Variants in RTN1 observed in about 807,000 individuals in gnomAD.
The protein encoded by RTN1 is reticulon-1.
Under a neutral mutation model 65.5 loss-of-function variants are expected in RTN1, and 25 were observed. The ratio of observed to expected loss-of-function variants is 0.38; its 90% CI spans 0.28 to 0.53. The LOEUF (loss-of-function observed/expected upper bound fraction) is 0.53. RTN1 is among the 20% of genes least tolerant of loss of function. RTN1 has a pLI of 0.79. For synonymous variants in RTN1, 471 were observed against 447.6 expected, an observed-to-expected ratio of 1.05 and a Z score of -0.66; for missense variants, 983 against 1,025.4, an observed-to-expected ratio of 0.96 and a Z score of 0.57.
At chr14:59,674,645 G>A (rs993141555) in intron 3 of RTN1, among the ~76,000 whole-genome samples, 11 of 152,168 alleles carry the variant, frequency 7.2e-5, no homozygotes, top group South Asian at 4.1e-4. Flanking sequence ...AAGGCTGTAC[G>A]TGTGTGCCCG....
intron 4 of RTN1, 198 bp from the exon 5 acceptor site, chr14:59,605,704 A>G (rs1317718360): frequency 3.8e-6 from 2 of 525,340 alleles, no homozygotes; most frequent in Non-Finnish European, 3.3e-6. Context: ...CACAGAAAGC[A>G]TGGTTCTCAG....
In RTN1 at chr14:59,864,742, G is replaced by T. The variant is rs180689061; in HGVS notation, c.241+5648C>A. ...GAGAGGGGCAATGGATTGTTGAAAGGTAAGGTGTGAAGACTTCCTTTTCTC... is the reference window on the plus strand; with the variant it reads ...GAGAGGGGCAATGGATTGTTGAAAGTTAAGGTGTGAAGACTTCCTTTTCTC... On this transcript the variant is annotated intron_variant, in intron 1 of 8. Transcript: ENST00000267484. Among the ~76,000 whole-genome samples, 10 of 152,302 alleles carry T rather than the reference G, an allele frequency of 6.6e-5. No individual in the cohort carries two copies. The East Asian group carries it at 1.9e-3, about 29-fold the overall frequency.
At chr14:59,820,951 C>G (rs1263129585) in intron 1 of RTN1, among the ~76,000 whole-genome samples, 1 of 152,158 alleles carries the variant, frequency 6.6e-6, no homozygotes, top group East Asian at 1.9e-4. Context: ...TGGGATGCCT[C>G]TGGCTTTGTT....
chr14:59,665,685 T>C (rs1241122146), intron 3 of RTN1, among the ~76,000 whole-genome samples: 2 of 152,106 alleles, frequency 1.3e-5, no homozygotes, highest in Non-Finnish European at 2.9e-5. Flanking sequence ...GTGTGCTGTA[T>C]TCAAGAGACC....
At chr14:59,832,103 C>T (rs139362135) in intron 1 of RTN1, among the ~76,000 whole-genome samples, 28 of 152,148 alleles carry the variant, frequency 1.8e-4, no homozygotes, top group African/African-American at 5.8e-4. Flanking sequence ...TTATGTAGTC[C>T]CTGAGGGGTT....
Position 59,870,442 on chromosome 14 carries a change from G to A in RTN1, c.189C>T (p.Ala63=), listed in dbSNP as rs985224976. The change falls in exon 1 of 9, where the codon GCC becomes GCT. Residue 63 remains alanine, a synonymous_variant. Transcript: ENST00000267484. This position sits in a 1 kb window ranked among gnomAD's most constrained non-coding sequence, Gnocchi z 5.1. ...ARAREAASRE[A]GSGPARQSPV... ...GCGACTGCCGGGCGGGGCCCGAGCC[G>A]GCTTCCCGCGACGCCGCTTCCCGGG... The A allele has an allele frequency of 1.3e-5, 20 of 1,514,196 alleles. No individual in the cohort carries two copies. The highest frequency in any genetic ancestry group is 1.5e-5 in the Non-Finnish European group (17 of 1,142,584). 93.8% of individuals were successfully genotyped at this position (1,514,196 alleles called of 1,614,324 possible). A position where few individuals can be genotyped will look rare whatever the true frequency, so the allele number is the denominator to read the frequency against.
intron 1 of RTN1, among the ~76,000 whole-genome samples, chr14:59,802,281 AC>A (rs1886560905): frequency 6.6e-6 from 1 of 152,258 alleles, no homozygotes; most frequent in South Asian, 2.1e-4. Context: ...GTCCAGCAGC[AC>A]CAGCATCAGC....
At chr14:59,687,136 C>T (rs1043350486) in intron 3 of RTN1, among the ~76,000 whole-genome samples, 2 of 152,232 alleles carry the variant, frequency 1.3e-5, no homozygotes, top group African/African-American at 4.8e-5. Context: ...GCTTGGCAAC[C>T]TGGAACCAGT....
intron 3 of RTN1, among the ~76,000 whole-genome samples, chr14:59,689,126 C>T (rs1883904912): frequency 6.6e-6 from 1 of 151,986 alleles, no homozygotes; most frequent in African/African-American, 2.4e-5. Context: ...AAAACCAGAA[C>T]TTCTATAATT....
chr14:59,699,185 C>T (rs908423621), intron 3 of RTN1, among the ~76,000 whole-genome samples: 3 of 151,736 alleles, frequency 2.0e-5, no homozygotes, highest in South Asian at 2.1e-4. Flanking sequence ...GTATACTGCT[C>T]GAGTGATGGG....
intron 2 of RTN1, among the ~76,000 whole-genome samples, chr14:59,734,741 G>A (rs1004077688): frequency 6.6e-6 from 1 of 152,080 alleles, no homozygotes; most frequent in Non-Finnish European, 1.5e-5. Context: ...ATTATGTAAA[G>A]AGACTGAATC....
intron 1 of RTN1, among the ~76,000 whole-genome samples, chr14:59,859,319 A>T (rs1408195871): frequency 6.6e-6 from 1 of 152,194 alleles, no homozygotes; most frequent in Admixed American, 6.5e-5. Flanking sequence ...GTTTTATAAA[A>T]GGGAGTTTCC....
intron 8 of RTN1, among the ~76,000 whole-genome samples, chr14:59,599,487 T>C (rs1881510858): frequency 6.6e-6 from 1 of 152,308 alleles, no homozygotes; most frequent in Admixed American, 6.5e-5. Context: ...CTGTGTCACA[T>C]ACCTTGGCCC....
chr14:59,846,754 G>A lies in RTN1; in HGVS notation c.241+23636C>T, dbSNP rs1887418000. ...TGGACTTTGTGTAGTCTGGCTCCAA[G>A]TGCCCCTTGGTTCGTAGCCAGGTGT... On this transcript the variant is annotated intron_variant, in intron 1 of 8. Transcript: ENST00000267484. The surrounding 1 kb of genome is among the most constrained non-coding windows in gnomAD (Gnocchi z 4.8). 6.6e-6 allele frequency among the ~76,000 whole-genome samples: 1 copy of A among 152,122 alleles called. No individual in the cohort carries two copies. Among genetic ancestry groups the A allele is most frequent in the South Asian group, 2.1e-4 (1 of 4,820 alleles).
intron 3 of RTN1, among the ~76,000 whole-genome samples, chr14:59,645,623 A>T (rs1882877610): frequency 6.6e-6 from 1 of 151,702 alleles, no homozygotes; most frequent in Non-Finnish European, 1.5e-5. Context: ...CACAGCCCTC[A>T]CCCTTCTTGT....
intron 3 of RTN1, among the ~76,000 whole-genome samples, chr14:59,658,816 T>A (rs1359245865): frequency 6.6e-6 from 1 of 152,108 alleles, no homozygotes; most frequent in Non-Finnish European, 1.5e-5. Flanking sequence ...AAAACCAGAA[T>A]GCCTCTTCTC....
chr14:59,866,040 C>T (rs1887792240), intron 1 of RTN1, among the ~76,000 whole-genome samples: 1 of 145,788 alleles, frequency 6.9e-6, no homozygotes, highest in Non-Finnish European at 1.5e-5. Flanking sequence ...CTAACTCATA[C>T]CCTTGTGCCC....
chr14:59,654,608 C>T (rs1214876671), intron 3 of RTN1, among the ~76,000 whole-genome samples: 1 of 150,204 alleles, frequency 6.7e-6, no homozygotes, highest in African/African-American at 2.4e-5. Flanking sequence ...AAGCCAGCAA[C>T]ATATAAAAAG....
At chr14:59,861,847 G>T (rs769732840) in intron 1 of RTN1, among the ~76,000 whole-genome samples, 1 of 151,812 alleles carries the variant, frequency 6.6e-6, no homozygotes, top group Non-Finnish European at 1.5e-5. Context: ...CTCTCAAATG[G>T]CATGTTTTCC....
Sources: gnomAD v4.1 joint callset for allele counts (sites outside exome capture counted in the v4.1 genomes callset) on GRCh38, gnomAD v4.1.1 for gene constraint, Gnocchi (gnomAD v3.1) non-coding constraint, MANE v1.5 for transcripts, NCBI Gene and HGNC (gene_info 2026-07-23, HGNC 2026-07-21) for gene names.